The following LUZP2 variants were observed in gnomAD, a reference collection of about 807,000 sequenced individuals.
The protein encoded by LUZP2 is leucine zipper protein 2.
LUZP2 carries 52 observed loss-of-function variants against 51.6 expected under a neutral mutation model. The observed-to-expected ratio is 1.01, with a 90% confidence interval of 0.81 to 1.27. The LOEUF (loss-of-function observed/expected upper bound fraction) is 1.27, where lower values mean the gene tolerates loss of function less well. LUZP2 is among the 50% of genes most tolerant of loss of function. The probability of loss-of-function intolerance (pLI) is 0.00; values close to 1 mark genes in which losing one functional copy is unlikely to be tolerated. For synonymous variants in LUZP2, 154 were observed against 137.3 expected, an observed-to-expected ratio of 1.12 and a Z score of -0.85; for missense variants, 436 against 395.4, an observed-to-expected ratio of 1.10 and a Z score of -0.87.
intron 7 of LUZP2, among the ~76,000 whole-genome samples, chr11:24,935,171 C>T (rs1854554718): frequency 6.6e-6 from 1 of 152,180 alleles, no homozygotes; most frequent in African/African-American, 2.4e-5. Context: ...TTGTGCATCA[C>T]GTTGTATATG....
chr11:25,060,580 A>T (rs1858807287), intron 10 of LUZP2, among the ~76,000 whole-genome samples: 1 of 152,152 alleles, frequency 6.6e-6, no homozygotes, highest in Non-Finnish European at 1.5e-5. Flanking sequence ...ATCTCATTTC[A>T]CTGTGATATA....
intron 1 of LUZP2, among the ~76,000 whole-genome samples, chr11:24,609,972 A>G (rs1403007495): frequency 6.6e-6 from 1 of 152,148 alleles, no homozygotes; most frequent in Non-Finnish European, 1.5e-5. Context: ...ATATGATGCA[A>G]TCAGCTGGCA....
intron 7 of LUZP2, among the ~76,000 whole-genome samples, chr11:24,947,554 G>T (rs1378110809): frequency 6.6e-6 from 1 of 151,580 alleles, no homozygotes; most frequent in Admixed American, 6.6e-5. Flanking sequence ...TTCCCCCCAA[G>T]TGTATTTGAA....
intron 1 of LUZP2, among the ~76,000 whole-genome samples, chr11:24,571,248 A>G (rs1271581400): frequency 3.3e-5 from 2 of 61,066 alleles, no homozygotes; most frequent in Non-Finnish European, 6.9e-5. Context: ...AGAACGTTCC[A>G]GCTCTAAGAG....
intron 5 of LUZP2, among the ~76,000 whole-genome samples, chr11:24,853,982 C>T (rs1289651205): frequency 6.6e-6 from 1 of 152,056 alleles, no homozygotes; most frequent in Non-Finnish European, 1.5e-5. Context: ...GCCTGTTCCT[C>T]CCTCTGGAGG....
chr11:24,834,087 AT>A (rs891815203), intron 5 of LUZP2, among the ~76,000 whole-genome samples: 8 of 150,798 alleles, frequency 5.3e-5, no homozygotes, highest in Admixed American at 2.0e-4. Flanking sequence ...CCTATATGGT[AT>A]TTTTTTTTCT....
At chr11:24,878,790 G>T (rs962066760) in intron 5 of LUZP2, among the ~76,000 whole-genome samples, 4 of 151,304 alleles carry the variant, frequency 2.6e-5, no homozygotes, top group Non-Finnish European at 2.9e-5. Flanking sequence ...ACCCTAACAG[G>T]CCCTGGTGTA....
At chr11:24,948,549 A>T (rs552751607) in intron 7 of LUZP2, among the ~76,000 whole-genome samples, 64 of 151,810 alleles carry the variant, frequency 4.2e-4, no homozygotes, top group Non-Finnish European at 9.2e-4. Flanking sequence ...TGGGCCCTAA[A>T]TTCACTAAAG....
At chr11:24,850,140 T>G (rs1851343065) in intron 5 of LUZP2, among the ~76,000 whole-genome samples, 1 of 148,226 alleles carries the variant, frequency 6.7e-6, no homozygotes, top group African/African-American at 2.5e-5. Context: ...AGATCCCATT[T>G]GTCAATTTTG....
At chr11:24,597,462 G>T (rs1483800424) in intron 1 of LUZP2, among the ~76,000 whole-genome samples, 5 of 152,194 alleles carry the variant, frequency 3.3e-5, no homozygotes, top group Non-Finnish European at 5.9e-5. Context: ...GTTTCCCAAA[G>T]TATGTTGTGT....
chr11:24,759,065 C>T (rs1027794153), intron 4 of LUZP2, among the ~76,000 whole-genome samples: 2 of 151,974 alleles, frequency 1.3e-5, no homozygotes, highest in African/African-American at 4.8e-5. Context: ...TATTTCAAAC[C>T]TGTGACCCTA....
intron 4 of LUZP2, among the ~76,000 whole-genome samples, chr11:24,756,668 CACA>C (rs1450944313): frequency 6.6e-6 from 1 of 152,142 alleles, no homozygotes; most frequent in African/African-American, 2.4e-5. Context: ...GCTCCCATAC[CACA>C]ACAATTAACA....
intron 5 of LUZP2, among the ~76,000 whole-genome samples, chr11:24,851,220 G>A (rs1179562953): frequency 6.6e-6 from 1 of 152,140 alleles, no homozygotes; most frequent in Non-Finnish European, 1.5e-5. Context: ...TCCAGCTTTT[G>A]CCCATTCATT....
chr11:24,941,734 T>A (rs544807593), intron 7 of LUZP2, among the ~76,000 whole-genome samples: 21 of 152,302 alleles, frequency 1.4e-4, no homozygotes, highest in South Asian at 6.2e-4. Context: ...TTAAATTTAA[T>A]GTATTTAAAA....
At chr11:24,606,752 G>C (rs1370451043) in intron 1 of LUZP2, among the ~76,000 whole-genome samples, 1 of 151,894 alleles carries the variant, frequency 6.6e-6, no homozygotes, top group African/African-American at 2.4e-5. Flanking sequence ...GATTATACCA[G>C]TTTACACTTC....
rs548859885 is a variant in LUZP2 at position 24,996,120 on chromosome 11, G to T, written c.765+12827G>T. Among the ~76,000 whole-genome samples the T allele has an allele frequency of 3.7e-4, 56 of 151,212 alleles. 3 individuals are homozygous for T. The South Asian group carries it at 0.011, about 31-fold the overall frequency. The stretch of plus-strand genomic sequence containing the variant: ...TATAATATATTTAACAACAAATTGT[G>T]TATCTGAGTTTTTTTCGGTCATTTT... On this transcript the variant is annotated intron_variant, in intron 9 of 11. Transcript: ENST00000336930.
At chr11:24,932,426 G>A (rs759308123) in intron 7 of LUZP2, among the ~76,000 whole-genome samples, 13 of 152,124 alleles carry the variant, frequency 8.5e-5, no homozygotes, top group Non-Finnish European at 1.6e-4. Flanking sequence ...CAGGTCGGGG[G>A]CAGGTTTAGG....
rs141302739 is a variant in LUZP2, at chr11:24,873,487, A to G, written c.397-32504A>G. On this transcript the variant is annotated intron_variant, in intron 5 of 11. Transcript: ENST00000336930. ...TCAGTGTTCGGAGCAGCCATTCGCT[A>G]AGTATGACTTTCCTCCCTTTTTCCT... Among the ~76,000 whole-genome samples the G allele has an allele frequency of 2.1e-3, 323 of 152,260 alleles. 1 individual carries two copies. The highest frequency in any genetic ancestry group is 7.4e-3 in the African/African-American group (309 of 41,558).
chr11:24,739,490 C>T (rs1359408889), intron 4 of LUZP2, among the ~76,000 whole-genome samples: 4 of 152,034 alleles, frequency 2.6e-5, no homozygotes, highest in Non-Finnish European at 5.9e-5. Context: ...AGAACTAAGG[C>T]AGGGTGGCTC....
Sources: gnomAD v4.1 joint callset for allele counts (sites outside exome capture counted in the v4.1 genomes callset) on GRCh38, gnomAD v4.1.1 for gene constraint, MANE v1.5 for transcripts, NCBI Gene and HGNC (gene_info 2026-07-23, HGNC 2026-07-21) for gene names.